AZIN2: variants seen among roughly 807,000 people sequenced by gnomAD.
The protein encoded by AZIN2 is antizyme inhibitor 2, also known as ODC antizyme inhibitor-2.
In AZIN2, 28 loss-of-function variants were observed where a neutral mutation model predicts 47.8. That is an observed-to-expected ratio of 0.59 (90% confidence interval 0.43 to 0.80). The LOEUF (loss-of-function observed/expected upper bound fraction) is 0.80. Ranked by LOEUF, AZIN2 falls within the 30% of genes least tolerant of loss-of-function variation. The pLI, the probability that AZIN2 is intolerant of heterozygous loss-of-function variation, is 0.00. For synonymous variants in AZIN2, 221 were observed against 239.4 expected, an observed-to-expected ratio of 0.92 and a Z score of 0.71; for missense variants, 535 against 582.5, an observed-to-expected ratio of 0.92 and a Z score of 0.84.
intron 10 of AZIN2, among the ~76,000 whole-genome samples, chr1:33,114,876 C>G (rs919181385): frequency 6.6e-6 from 1 of 152,062 alleles, no homozygotes; most frequent in African/African-American, 2.4e-5. Context: ...CTCCTGACCT[C>G]AAGTGATGCG....
chr1:33,160,047 T>C, the AZIN2 span: 2 of 1,470,382 alleles, frequency 1.4e-6, no homozygotes, highest in Non-Finnish European at 1.8e-6. Context: ...GAGGAAAGGG[T>C]GGGAAAGGGC....
At chr1:33,163,486 GA>G in the AZIN2 span, 1 of 152,368 alleles carries the variant, frequency 6.6e-6, no homozygotes, top group South Asian at 2.1e-4. Flanking sequence ...TCAGCACAGA[GA>G]AAAGTTCTGC....
At chr1:33,124,661 C>T (rs1180857425), downstream of AZIN2, among the ~76,000 whole-genome samples, 27 of 152,034 alleles carry the variant, frequency 1.8e-4, no homozygotes, top group Non-Finnish European at 2.9e-5. This position sits in a 1 kb window ranked among gnomAD's most constrained non-coding sequence, Gnocchi z 4.6. Flanking sequence ...CTAATGCTAT[C>T]CCTCCCCCGT....
intron 10 of AZIN2, among the ~76,000 whole-genome samples, chr1:33,110,330 T>G (rs1644232294): frequency 6.6e-6 from 1 of 152,154 alleles, no homozygotes; most frequent in South Asian, 2.1e-4. Context: ...CTGATAAGGT[T>G]TCAAAGTACA....
rs111969848 is a variant in AZIN2, at chr1:33,083,260, A to C, written c.106-694A>C. On this transcript the variant is annotated intron_variant, in intron 4 of 11. Coordinates refer to ENST00000294517, the MANE Select transcript of AZIN2 (RefSeq NM_052998.4). Reference sequence around the variant, plus strand: ...GGCACCAAGTGGGCATGAGTAAAAAAGTGTTGCATGAAAGGGAAACTGAGT... The same window carrying C: ...GGCACCAAGTGGGCATGAGTAAAAACGTGTTGCATGAAAGGGAAACTGAGT... The C allele has an allele frequency of 2.3e-3, 350 of 155,114 alleles. 5 individuals carry two copies. Among genetic ancestry groups the C allele is most frequent in the East Asian group, 0.021 (110 of 5,242 alleles). The allele number at this position is 155,114 out of a possible 1,614,324, so 9.6% of individuals were successfully genotyped here. A position where few individuals can be genotyped will look rare whatever the true frequency, so the allele number is the denominator to read the frequency against.
At chr1:33,088,339 C>G (rs1451148083) in intron 5 of AZIN2, among the ~76,000 whole-genome samples, 1 of 152,282 alleles carries the variant, frequency 6.6e-6, no homozygotes, top group East Asian at 1.9e-4. Context: ...TATCACCCAG[C>G]TTGCCAGTCC....
chr1:33,156,209 A>G, the AZIN2 span, among the ~76,000 whole-genome samples: 31 of 152,244 alleles, frequency 2.0e-4, no homozygotes, highest in Admixed American at 9.8e-4. Flanking sequence ...CTTTCCAATC[A>G]TCTCACAGAT....
downstream of AZIN2, among the ~76,000 whole-genome samples, chr1:33,126,406 T>C (rs961355282): frequency 1.3e-5 from 2 of 152,214 alleles, no homozygotes; most frequent in African/African-American, 4.8e-5. Context: ...TCTAATCCTA[T>C]TGATTCCATA....
rs1644795050 is a variant in AZIN2, at chr1:33,121,518, C to T, written c.*1336C>T. On this transcript the variant is annotated 3_prime_UTR_variant, in exon 12 of 12. Transcript: ENST00000294517. ...TGGAGGTCGCAGTGAGCCGAGGTTG[C>T]AGTGAGCCGAGATTGCACCACTGCA... 6.6e-6 allele frequency among the ~76,000 whole-genome samples: 1 copy of T among 152,190 alleles called. No homozygotes were observed. Among genetic ancestry groups the T allele is most frequent in the Non-Finnish European group, 1.5e-5 (1 of 68,036 alleles).
chr1:33,088,073 G>A (rs1254698190), intron 5 of AZIN2, among the ~76,000 whole-genome samples: 1 of 152,090 alleles, frequency 6.6e-6, no homozygotes, highest in Non-Finnish European at 1.5e-5. Flanking sequence ...TCCCTGTCTT[G>A]TAAACCCTCC....
At chr1:33,139,924 C>T in the AZIN2 span, among the ~76,000 whole-genome samples, 1 of 152,136 alleles carries the variant, frequency 6.6e-6, no homozygotes, top group Non-Finnish European at 1.5e-5. Flanking sequence ...TTTCTAAGAT[C>T]CCACCATCAG....
intron 10 of AZIN2, among the ~76,000 whole-genome samples, chr1:33,114,058 G>GT (rs201699803): frequency 1.3e-4 from 20 of 149,686 alleles, no homozygotes; most frequent in South Asian, 1.3e-3. Flanking sequence ...TGGCCATAGG[G>GT]TTTTTTTTTC....
At chr1:33,130,701 A>G in the AZIN2 span, among the ~76,000 whole-genome samples, 1 of 152,214 alleles carries the variant, frequency 6.6e-6, no homozygotes, top group South Asian at 2.1e-4. Flanking sequence ...CGTGGTTTTA[A>G]GTTTTACCTA....
chr1:33,094,429 C>A, intron 7 of AZIN2, 119 bp from the exon 8 acceptor site: 7 of 1,094,126 alleles, frequency 6.4e-6, no homozygotes, highest in Non-Finnish European at 9.3e-6. Context: ...ACCTTGGTCA[C>A]TGCATCTGTA....
At chr1:33,083,888 C>A in intron 4 of AZIN2, 66 bp from the exon 5 acceptor site, 1 of 1,588,030 alleles carries the variant, frequency 6.3e-7, no homozygotes, top group South Asian at 1.1e-5. Context: ...TTGGAAGGAT[C>A]ACGGATGGCA....
At chr1:33,099,979 C>A (rs1294171726) in intron 10 of AZIN2, among the ~76,000 whole-genome samples, 2 of 152,138 alleles carry the variant, frequency 1.3e-5, no homozygotes, top group African/African-American at 4.8e-5. Flanking sequence ...TCTTTCTTTG[C>A]ATACCTGCTC....
rs143741143 is a variant in AZIN2, at chr1:33,101,250, G to A, written c.1029+3071G>A. ...GATGCAATCTCCCTGTGTTGTCTAG[G>A]CGGGTTGAGAACTCCCAGCCCCAAG... On this transcript the variant is annotated intron_variant, in intron 10 of 11. Transcript: ENST00000294517. Among the ~76,000 whole-genome samples the A allele has an allele frequency of 6.7e-3, 1,021 of 151,790 alleles. 20 individuals carry two copies. The highest frequency in any genetic ancestry group is 0.064 in the East Asian group (331 of 5,156).
the AZIN2 span, among the ~76,000 whole-genome samples, chr1:33,159,426 C>T: frequency 1.3e-5 from 2 of 152,200 alleles, no homozygotes; most frequent in Non-Finnish European, 2.9e-5. The surrounding 1 kb of genome is among the most constrained non-coding windows in gnomAD (Gnocchi z 4.2). Flanking sequence ...AGAGCCAAGA[C>T]AGCAGGGTCA....
chr1:33,150,107 G>T, the AZIN2 span, among the ~76,000 whole-genome samples: 4 of 152,260 alleles, frequency 2.6e-5, no homozygotes, highest in Non-Finnish European at 5.9e-5. Context: ...CTGGCCAGAG[G>T]AGAAGGAGGA....
Sources: gnomAD v4.1 joint callset for allele counts (sites outside exome capture counted in the v4.1 genomes callset) on GRCh38, gnomAD v4.1.1 for gene constraint, Gnocchi (gnomAD v3.1) non-coding constraint, MANE v1.5 for transcripts, NCBI Gene and HGNC (gene_info 2026-07-23, HGNC 2026-07-21) for gene names.